CAMTA1: variants seen among roughly 807,000 people sequenced by gnomAD.
CAMTA1 encodes the protein calmodulin binding transcription activator 1.
A neutral mutation model predicts 170.9 loss-of-function variants in CAMTA1; 27 were observed. That is an observed-to-expected ratio of 0.16 (90% CI 0.12 to 0.22). The LOEUF (loss-of-function observed/expected upper bound fraction) is 0.22, where lower values mean the gene tolerates loss of function less well. CAMTA1 is among the 10% of genes least tolerant of loss of function. The pLI is 1.00. For missense variants in CAMTA1, 1,619 were observed against 2,217.2 expected, an observed-to-expected ratio of 0.73 and a Z score of 5.42; for synonymous variants, 833 against 891.5, an observed-to-expected ratio of 0.93 and a Z score of 1.17.
At chr1:7,578,802 T>C (rs545939735) in intron 6 of CAMTA1, among the ~76,000 whole-genome samples, 1 of 152,312 alleles carries the variant, frequency 6.6e-6, no homozygotes, top group Admixed American at 6.5e-5. Context: ...AGGCCCACTC[T>C]CTCAATAGTG....
At chr1:6,808,862 A>T (rs1030932908) in intron 1 of CAMTA1, among the ~76,000 whole-genome samples, 3 of 152,128 alleles carry the variant, frequency 2.0e-5, no homozygotes, top group Admixed American at 2.0e-4. Flanking sequence ...TCACACACAC[A>T]TGCAATTTTG....
chr1:7,272,328 T>C (rs1338066245), intron 5 of CAMTA1, among the ~76,000 whole-genome samples: 3 of 152,148 alleles, frequency 2.0e-5, no homozygotes, highest in Admixed American at 6.5e-5. Flanking sequence ...ACTCCCCAAA[T>C]TGATCTACAG....
intron 5 of CAMTA1, among the ~76,000 whole-genome samples, chr1:7,370,875 C>T (rs2086386916): frequency 6.6e-6 from 1 of 151,624 alleles, no homozygotes; most frequent in Non-Finnish European, 1.5e-5. Context: ...CCATTATTGC[C>T]CTGGGTCCTG....
At chr1:6,929,146 A>C (rs906496176) in intron 3 of CAMTA1, among the ~76,000 whole-genome samples, 3 of 152,220 alleles carry the variant, frequency 2.0e-5, no homozygotes, top group African/African-American at 4.8e-5. Context: ...AGAATAAAGA[A>C]CAGTTCTTTT....
At chr1:7,423,641 C>T (rs1468119693) in intron 5 of CAMTA1, among the ~76,000 whole-genome samples, 2 of 152,034 alleles carry the variant, frequency 1.3e-5, no homozygotes, top group Non-Finnish European at 2.9e-5. Flanking sequence ...ATGAATTCCA[C>T]AAGGGTCAAA....
chr1:7,119,519 A>G (rs1021863390), intron 4 of CAMTA1, among the ~76,000 whole-genome samples: 1 of 152,202 alleles, frequency 6.6e-6, no homozygotes, highest in Non-Finnish European at 1.5e-5. Flanking sequence ...TTAACATGGA[A>G]GAACCCCTGA....
chr1:7,388,971 C>T (rs1356776613), intron 5 of CAMTA1, among the ~76,000 whole-genome samples: 1 of 152,208 alleles, frequency 6.6e-6, no homozygotes, highest in Non-Finnish European at 1.5e-5. Context: ...AGGGCCCTAA[C>T]GCTCTGTTGT....
chr1:7,720,048 C>T (rs567328441), intron 11 of CAMTA1, among the ~76,000 whole-genome samples: 2 of 152,258 alleles, frequency 1.3e-5, no homozygotes, highest in Admixed American at 1.3e-4. Context: ...TTTTCTTCTC[C>T]TCTGGCAACA....
At chr1:7,597,238 G>C (rs1204882447) in intron 6 of CAMTA1, among the ~76,000 whole-genome samples, 1 of 152,176 alleles carries the variant, frequency 6.6e-6, no homozygotes. Flanking sequence ...TGACCTCTTT[G>C]AGTTTTCATT....
intron 6 of CAMTA1, among the ~76,000 whole-genome samples, chr1:7,626,652 A>C (rs1472834800): frequency 1.3e-5 from 2 of 152,144 alleles, no homozygotes; most frequent in East Asian, 1.9e-4. Context: ...GAAGAGGCAA[A>C]GCTGAGAGAC....
intron 5 of CAMTA1, among the ~76,000 whole-genome samples, chr1:7,467,625 G>A (rs1053701879): frequency 2.6e-5 from 4 of 152,276 alleles, no homozygotes; most frequent in Admixed American, 6.5e-5. Context: ...CGAGTCTGCC[G>A]GCTGGTGTGT....
At chr1:7,493,504 AACAC>A (rs143943402) in intron 6 of CAMTA1, among the ~76,000 whole-genome samples, 145 of 151,942 alleles carry the variant, frequency 9.5e-4, no homozygotes, top group African/African-American at 3.2e-3. Flanking sequence ...TAACCATACA[AACAC>A]ACACACGCGC....
At chr1:7,133,040 T>G (rs1558147176) in intron 4 of CAMTA1, among the ~76,000 whole-genome samples, 1 of 152,248 alleles carries the variant, frequency 6.6e-6, no homozygotes, top group African/African-American at 2.4e-5. Context: ...GATATTTTTC[T>G]GTAACTTTCT....
intron 6 of CAMTA1, among the ~76,000 whole-genome samples, chr1:7,478,439 T>TCCTGG (rs1382714808): frequency 3.3e-5 from 5 of 152,152 alleles, no homozygotes; most frequent in Non-Finnish European, 7.4e-5. Context: ...CCAGGACCTC[T>TCCTGG]CCTGGCCTGG....
chr1:7,538,733 G>A (rs1015648044), intron 6 of CAMTA1, among the ~76,000 whole-genome samples: 3 of 152,338 alleles, frequency 2.0e-5, no homozygotes, highest in African/African-American at 7.2e-5. Flanking sequence ...ATGTAGGGGT[G>A]GGGGTTCTTA....
intron 3 of CAMTA1, among the ~76,000 whole-genome samples, chr1:6,855,517 C>A (rs1193243502): frequency 6.6e-6 from 1 of 151,732 alleles, no homozygotes; most frequent in South Asian, 2.1e-4. Flanking sequence ...GTCGGATCTC[C>A]TGAGAACTCA....
At chr1:7,372,247 C>T (rs972450548) in intron 5 of CAMTA1, among the ~76,000 whole-genome samples, 8 of 152,160 alleles carry the variant, frequency 5.3e-5, no homozygotes, top group African/African-American at 1.4e-4. Flanking sequence ...TGCTCTCCTT[C>T]GTGCAATATG....
At position 7,710,540 on chromosome 1, in the gene CAMTA1, C is replaced by T. The variant is rs1408056796; in HGVS notation, c.2915-21908C>T. Among the ~76,000 whole-genome samples the T allele has an allele frequency of 2.7e-5, 4 of 146,068 alleles. No homozygotes were observed. In the East Asian group the frequency reaches 6.1e-4, roughly 22 times the overall value. On this transcript the variant is annotated intron_variant, in intron 11 of 22. Coordinates refer to ENST00000303635, the MANE Select transcript of CAMTA1 (RefSeq NM_015215.4). ...GCTTGAGCCCAGGAGTTTGAGGCTGCGGGTGAGCCACGATTACACCACTGC... is the reference window on the plus strand; with the variant it reads ...GCTTGAGCCCAGGAGTTTGAGGCTGTGGGTGAGCCACGATTACACCACTGC...
chr1:7,124,254 C>T (rs1401244643), intron 4 of CAMTA1, among the ~76,000 whole-genome samples: 3 of 152,158 alleles, frequency 2.0e-5, no homozygotes, highest in African/African-American at 7.2e-5. Context: ...TGGGACGAAT[C>T]TCCTCCCTCC....
Sources: allele counts gnomAD v4.1 joint callset (sites outside exome capture counted in the v4.1 genomes callset), GRCh38; gene constraint gnomAD v4.1.1; transcripts MANE v1.5; gene names NCBI Gene and HGNC (gene_info 2026-07-23, HGNC 2026-07-21).